The following DIP2A variants were observed in gnomAD, a reference collection of about 807,000 sequenced individuals.
The protein encoded by DIP2A is disco-interacting protein 2 homolog A.
In DIP2A, 85 loss-of-function variants were observed where a neutral mutation model predicts 177.4. The ratio of observed to expected loss-of-function variants is 0.48; its 90% confidence interval spans 0.40 to 0.57. The LOEUF (loss-of-function observed/expected upper bound fraction) is 0.57, where lower values mean the gene tolerates loss of function less well. DIP2A is among the 20% of genes least tolerant of loss of function. The probability of loss-of-function intolerance (pLI) is 0.00; values close to 1 mark genes in which losing one functional copy is unlikely to be tolerated. For missense variants in DIP2A, 1,791 were observed against 2,100.2 expected, an observed-to-expected ratio of 0.85 and a Z score of 2.88; for synonymous variants, 886 against 881.8, an observed-to-expected ratio of 1.00 and a Z score of -0.08.
At chr21:46,529,006 T>A in intron 8 of DIP2A, 86 bp from the exon 9 acceptor site, 1 of 754,454 alleles carries the variant, frequency 1.3e-6, no homozygotes, top group Non-Finnish European at 2.1e-6. Context: ...TAATGGTATA[T>A]TTCGGGGTAT....
downstream of DIP2A, among the ~76,000 whole-genome samples, chr21:46,572,507 A>C (rs1028510263): frequency 6.6e-6 from 1 of 152,138 alleles, no homozygotes; most frequent in Non-Finnish European, 1.5e-5. Context: ...AGGTGATTGG[A>C]TTAATCTATT....
At chr21:46,533,374 T>C (rs1254613543) in intron 10 of DIP2A, 150 bp from the exon 11 acceptor site, 70 of 804,732 alleles carry the variant, frequency 8.7e-5, no homozygotes, top group Non-Finnish European at 1.2e-4. Flanking sequence ...GAAAAGATCA[T>C]ATATATCAAT....
At chr21:46,579,771 G>A in the DIP2A span, among the ~76,000 whole-genome samples, 1 of 152,164 alleles carries the variant, frequency 6.6e-6, no homozygotes, top group Non-Finnish European at 1.5e-5. Flanking sequence ...TTTTGAGTGA[G>A]CTTCTTAATC....
Position 46,550,759 on chromosome 21 carries a change from A to G in DIP2A, c.2839+15A>G, listed in dbSNP as rs932546339. 3 of 1,613,178 alleles carry G rather than the reference A, an allele frequency of 1.9e-6. No homozygotes were observed. The African/African-American group carries it at 4.0e-5, about 21-fold the overall frequency. ...GAAACAACCAGGTTAGTTGAACCTAACAACAGGATGCTCTCTAGTCTAACA... is the reference window on the plus strand; with the variant it reads ...GAAACAACCAGGTTAGTTGAACCTAGCAACAGGATGCTCTCTAGTCTAACA... On this transcript the variant is annotated intron_variant, in intron 23 of 37. Transcript: ENST00000417564.
Position 46,498,213 on chromosome 21 carries a change from A to G in DIP2A, c.404-369A>G, listed in dbSNP as rs149830708. 6.6e-6 allele frequency among the ~76,000 whole-genome samples: 1 copy of G among 152,240 alleles called. No homozygotes were observed. Among genetic ancestry groups the G allele is most frequent in the African/African-American group, 2.4e-5 (1 of 41,544 alleles). ...CTGGGTGATGCTGACTGATGTGTGG[A>G]TATGGTGTCCGACTCTGTGGACATG... On this transcript the variant is annotated intron_variant, in intron 4 of 37. Transcript: ENST00000417564. This position sits in a 1 kb window ranked among gnomAD's most constrained non-coding sequence, Gnocchi z 4.3.
At chr21:46,495,244 T>TTCTCTTCTCTCTCTCTCTCTCTCTC (rs2057275285) in intron 3 of DIP2A, among the ~76,000 whole-genome samples, 1 of 38,176 alleles carries the variant, frequency 2.6e-5, no homozygotes. Flanking sequence ...CTTCTCTTCT[T>TTCTCTTCTCTCTCTCTCTCTCTCTC]TCTCTCTCTC....
intron 20 of DIP2A, chr21:46,546,371 C>A: frequency 1.0e-6 from 1 of 988,448 alleles, no homozygotes; most frequent in Non-Finnish European, 1.2e-6. Flanking sequence ...GGACTTCTGG[C>A]AACTTTTGAA....
At chr21:46,566,732 C>T in intron 37 of DIP2A, 49 bp downstream of exon 37, 1 of 1,610,500 alleles carries the variant, frequency 6.2e-7, no homozygotes, top group African/African-American at 1.3e-5. Flanking sequence ...CCAGCCCTTC[C>T]TCTGGGCATG....
At chr21:46,566,342 C>T (rs985228907) in intron 36 of DIP2A, among the ~76,000 whole-genome samples, 4 of 152,224 alleles carry the variant, frequency 2.6e-5, no homozygotes, top group Non-Finnish European at 2.9e-5. Flanking sequence ...TACGCTCACA[C>T]TTGCTGTAAC....
intron 8 of DIP2A, among the ~76,000 whole-genome samples, chr21:46,521,506 T>TA (rs2058823572): frequency 6.6e-6 from 1 of 152,084 alleles, no homozygotes; most frequent in South Asian, 2.1e-4. Context: ...ATTATTTTTT[T>TA]AATATAAAAA....
intron 20 of DIP2A, 150 bp downstream of exon 20, chr21:46,546,111 C>T (rs1316237967): frequency 1.7e-5 from 26 of 1,488,252 alleles, no homozygotes; most frequent in Middle Eastern, 1.9e-4. Context: ...TGCCCATCAC[C>T]CTACCTGTGT....
intron 6 of DIP2A, among the ~76,000 whole-genome samples, chr21:46,505,280 AG>A (rs1356520453): frequency 6.6e-6 from 1 of 152,196 alleles, no homozygotes; most frequent in Non-Finnish European, 1.5e-5. Context: ...GCTTAATTAA[AG>A]GGTAATTGAC....
At chr21:46,554,777 G>T (rs1356575622) in intron 27 of DIP2A, 45 bp from the exon 28 acceptor site, 1 of 1,542,926 alleles carries the variant, frequency 6.5e-7, no homozygotes, top group East Asian at 2.4e-5. Flanking sequence ...TTTCTGGGCA[G>T]CTTGAGAGGC....
chr21:46,468,195 G>A (rs970659026), intron 1 of DIP2A, among the ~76,000 whole-genome samples: 3 of 149,856 alleles, frequency 2.0e-5, no homozygotes, highest in Non-Finnish European at 4.4e-5. Flanking sequence ...GAACCCAGGA[G>A]CCGGAGGCTG....
intron 17 of DIP2A, among the ~76,000 whole-genome samples, chr21:46,541,070 G>A (rs533441397): frequency 3.3e-5 from 5 of 149,560 alleles, no homozygotes; most frequent in South Asian, 2.1e-4. Context: ...TTAAAAAAAC[G>A]CTATTGTCGT....
At chr21:46,578,277 A>G in the DIP2A span, among the ~76,000 whole-genome samples, 1 of 152,266 alleles carries the variant, frequency 6.6e-6, no homozygotes, top group Admixed American at 6.5e-5. Context: ...GTGCCACTGC[A>G]CTCCAGCCTG....
At chr21:46,545,772 TG>T in intron 19 of DIP2A, 108 bp from the exon 20 acceptor site, 1 of 1,311,980 alleles carries the variant, frequency 7.6e-7, no homozygotes, top group South Asian at 1.3e-5. Context: ...TTTTTCCCCC[TG>T]GCCAGCAGGC....
chr21:46,552,921 G>C (rs1341841047), intron 25 of DIP2A: 1 of 152,292 alleles, frequency 6.6e-6, no homozygotes, highest in East Asian at 1.9e-4. Context: ...CAATACAGTG[G>C]AGTGATGTAA....
chr21:46,465,174 T>C (rs2054702070), intron 1 of DIP2A, among the ~76,000 whole-genome samples: 2 of 151,838 alleles, frequency 1.3e-5, no homozygotes, highest in African/African-American at 2.4e-5. Flanking sequence ...ATTTGTCCCC[T>C]CTTTTGGAGT....
Sources: gnomAD v4.1 joint callset for allele counts (sites outside exome capture counted in the v4.1 genomes callset) on GRCh38, gnomAD v4.1.1 for gene constraint, Gnocchi (gnomAD v3.1) non-coding constraint, MANE v1.5 for transcripts, NCBI Gene and HGNC (gene_info 2026-07-23, HGNC 2026-07-21) for gene names.